Variants in GRK5 observed in about 807,000 individuals in gnomAD.
The protein encoded by GRK5 is g protein-coupled receptor kinase GRK5.
A neutral mutation model predicts 78.4 loss-of-function variants in GRK5; 40 were observed. The observed-to-expected ratio is 0.51, with a 90% CI of 0.40 to 0.66. The LOEUF is 0.66. GRK5 is among the 30% of genes least tolerant of loss of function. The pLI is 0.00. For missense variants in GRK5, 598 were observed against 759.9 expected, an observed-to-expected ratio of 0.79 and a Z score of 2.50; for synonymous variants, 289 against 296.8, an observed-to-expected ratio of 0.97 and a Z score of 0.27.
At chr10:119,229,658 A>C (rs17449) in intron 1 of GRK5, among the ~76,000 whole-genome samples, 1 of 152,126 alleles carries the variant, frequency 6.6e-6, no homozygotes, top group Admixed American at 6.5e-5. Context: ...CAGGTACATG[A>C]TCAACTCCAT....
chr10:119,384,415 G>C (rs1851760392), intron 3 of GRK5, among the ~76,000 whole-genome samples: 1 of 152,230 alleles, frequency 6.6e-6, no homozygotes, highest in Non-Finnish European at 1.5e-5. Flanking sequence ...GCCACCATCT[G>C]TTGGTGAGAC....
intron 1 of GRK5, among the ~76,000 whole-genome samples, chr10:119,275,612 C>CTCTCTCTCGT (rs1491344154): frequency 2.0e-4 from 12 of 60,718 alleles, no homozygotes; most frequent in Non-Finnish European, 4.6e-4. Flanking sequence ...CTCTCTCTCT[C>CTCTCTCTCGT]GCACACACAC....
At chr10:119,287,767 G>A (rs192507069) in intron 1 of GRK5, among the ~76,000 whole-genome samples, 243 of 152,274 alleles carry the variant, frequency 1.6e-3, no homozygotes, top group African/African-American at 5.7e-3. Context: ...TGACTGCACC[G>A]TATCCAGCGC....
intron 1 of GRK5, among the ~76,000 whole-genome samples, chr10:119,246,432 G>A (rs1055455964): frequency 2.8e-4 from 42 of 152,292 alleles, no homozygotes; most frequent in African/African-American, 9.6e-4. Flanking sequence ...GGAACCTGTG[G>A]ATAGGGAGGG....
intron 4 of GRK5, among the ~76,000 whole-genome samples, chr10:119,413,115 C>A (rs1233888466): frequency 1.3e-5 from 2 of 152,096 alleles, no homozygotes; most frequent in Non-Finnish European, 2.9e-5. Flanking sequence ...GGCGTTCTCT[C>A]CTATGGTCAA....
Position 119,455,539 on chromosome 10 carries a change from C to CA in GRK5, c.*485dup, listed in dbSNP as rs5788355. On this transcript the variant is annotated 3_prime_UTR_variant, in exon 16 of 16. Transcript: ENST00000392870. ...GGCATTTTAGCGGGGAGGGGGTTAT[C>CA]AAAAAAAAAAAAATGTGACTCAAGA... The CA allele has an allele frequency of 0.03, 6,801 of 223,908 alleles. No individual in the cohort carries two copies. The highest frequency in any genetic ancestry group is 0.059 in the South Asian group (1,315 of 22,348). 13.9% of individuals were successfully genotyped at this position (223,908 alleles called of 1,614,324 possible).
Position 119,287,991 on chromosome 10 carries a change from T to A in GRK5, c.53-38525T>A, listed in dbSNP as rs1247061292. 7.2e-5 allele frequency among the ~76,000 whole-genome samples: 11 copies of A among 152,344 alleles called. No individual in the cohort carries two copies. The East Asian group carries it at 1.9e-3, about 27-fold the overall frequency. On this transcript the variant is annotated intron_variant, in intron 1 of 15. Coordinates refer to ENST00000392870, the MANE Select transcript of GRK5 (RefSeq NM_005308.3). ...GTTCATCCTAACCCTTTGCTTTTAG[T>A]TCCCCCTCTCTGGACTGGACGGTCC...
chr10:119,351,441 T>G (rs1851183517), intron 2 of GRK5, among the ~76,000 whole-genome samples: 1 of 152,102 alleles, frequency 6.6e-6, no homozygotes, highest in African/African-American at 2.4e-5. Context: ...CCTCACCAGA[T>G]CTGATGGTTT....
intron 1 of GRK5, among the ~76,000 whole-genome samples, chr10:119,320,436 A>G (rs1850565545): frequency 6.6e-6 from 1 of 152,234 alleles, no homozygotes; most frequent in South Asian, 2.1e-4. Context: ...GAATGAGTCC[A>G]TGAAAATGTG....
At chr10:119,345,106 C>A (rs528114704) in intron 2 of GRK5, among the ~76,000 whole-genome samples, 1 of 152,042 alleles carries the variant, frequency 6.6e-6, no homozygotes, top group East Asian at 1.9e-4. Flanking sequence ...GTAGCTGAGA[C>A]TACAGGCGCC....
At chr10:119,277,593 C>T (rs138979571) in intron 1 of GRK5, among the ~76,000 whole-genome samples, 2 of 152,282 alleles carry the variant, frequency 1.3e-5, no homozygotes, top group Non-Finnish European at 2.9e-5. Context: ...GACAGTAAGC[C>T]ACACATATTT....
chr10:119,339,221 C>G (rs1228463464), intron 2 of GRK5, among the ~76,000 whole-genome samples: 1 of 152,180 alleles, frequency 6.6e-6, no homozygotes, highest in South Asian at 2.1e-4. Context: ...TTTTAAGGCC[C>G]CTCACTGAAA....
At chr10:119,323,045 C>T (rs1850612610) in intron 1 of GRK5, among the ~76,000 whole-genome samples, 1 of 152,232 alleles carries the variant, frequency 6.6e-6, no homozygotes, top group Admixed American at 6.5e-5. Context: ...AGTGAAAGAA[C>T]AGACACAAAA....
intron 2 of GRK5, among the ~76,000 whole-genome samples, chr10:119,345,747 A>G (rs1024843674): frequency 6.6e-6 from 1 of 151,980 alleles, no homozygotes; most frequent in East Asian, 1.9e-4. Context: ...GCCCTTGGGG[A>G]AACCCAGCAG....
chr10:119,326,660 C>T (rs1333884039), intron 2 of GRK5, 49 bp downstream of exon 2: 5 of 1,436,504 alleles, frequency 3.5e-6, no homozygotes, highest in Non-Finnish European at 4.9e-6. Context: ...AGCAGGTGAT[C>T]CGCCAAGCCG....
intron 3 of GRK5, among the ~76,000 whole-genome samples, chr10:119,381,868 G>A (rs1221422280): frequency 6.6e-6 from 1 of 152,136 alleles, no homozygotes; most frequent in African/African-American, 2.4e-5. Flanking sequence ...ACCCTTTAGG[G>A]TTTCAAGTCT....
intron 4 of GRK5, among the ~76,000 whole-genome samples, chr10:119,416,329 C>T (rs185851831): frequency 6.6e-6 from 1 of 152,364 alleles, no homozygotes; most frequent in East Asian, 1.9e-4. Context: ...ACGCCATCCT[C>T]GGGGCTGATA....
intron 1 of GRK5, among the ~76,000 whole-genome samples, chr10:119,256,014 T>G (rs1429395891): frequency 6.6e-6 from 1 of 152,126 alleles, no homozygotes; most frequent in East Asian, 1.9e-4. Context: ...TGGATATGAC[T>G]GTGAAGTTAT....
At chr10:119,449,469 A>C (rs956703196) in intron 13 of GRK5, among the ~76,000 whole-genome samples, 1 of 152,166 alleles carries the variant, frequency 6.6e-6, no homozygotes, top group Admixed American at 6.5e-5. Flanking sequence ...ATGGGTAATC[A>C]GGGAATGCTT....
Sources: allele counts gnomAD v4.1 joint callset (sites outside exome capture counted in the v4.1 genomes callset), GRCh38; gene constraint gnomAD v4.1.1; transcripts MANE v1.5; gene names NCBI Gene and HGNC (gene_info 2026-07-23, HGNC 2026-07-21).